ZNF618: variants seen among roughly 807,000 people sequenced by gnomAD.
The protein encoded by ZNF618 is zinc finger protein 618.
A neutral mutation model predicts 103.0 loss-of-function variants in ZNF618; 34 were observed. The ratio of observed to expected loss-of-function variants is 0.33; its 90% CI spans 0.25 to 0.44. ZNF618 has a LOEUF of 0.44. ZNF618 is among the 20% of genes least tolerant of loss of function. The pLI, the probability that ZNF618 is intolerant of heterozygous loss-of-function variation, is 1.00. For missense variants in ZNF618, 1,059 were observed against 1,295.4 expected, an observed-to-expected ratio of 0.82 and a Z score of 2.80; for synonymous variants, 551 against 542.2, an observed-to-expected ratio of 1.02 and a Z score of -0.23.
intron 1 of ZNF618, among the ~76,000 whole-genome samples, chr9:113,922,477 GTTT>G (rs71367740): frequency 6.8e-5 from 9 of 132,958 alleles, no homozygotes; most frequent in African/African-American, 1.4e-4. Context: ...GTTTTGGTTT[GTTT>G]TTTTTTTTTT....
chr9:113,945,406 A>G (rs1355602024), intron 1 of ZNF618, among the ~76,000 whole-genome samples: 1 of 152,174 alleles, frequency 6.6e-6, no homozygotes, highest in Non-Finnish European at 1.5e-5. Context: ...TTATCTATTT[A>G]TTGGTGAGAT....
At chr9:113,950,369 C>G (rs866938196) in intron 1 of ZNF618, among the ~76,000 whole-genome samples, 1 of 152,152 alleles carries the variant, frequency 6.6e-6, no homozygotes, top group Non-Finnish European at 1.5e-5. Context: ...CCACTTTCAC[C>G]CTATTAGATG....
intron 2 of ZNF618, among the ~76,000 whole-genome samples, chr9:113,970,417 G>T (rs1837843433): frequency 6.6e-6 from 1 of 152,152 alleles, no homozygotes. Context: ...TACCAGGCCG[G>T]AGGTCTCTGT....
At chr9:114,011,893 C>G (rs572114266) in intron 9 of ZNF618, among the ~76,000 whole-genome samples, 1 of 152,252 alleles carries the variant, frequency 6.6e-6, no homozygotes, top group South Asian at 2.1e-4. Context: ...AGAATTACTT[C>G]CATGATAATG....
chr9:113,997,117 C>CT (rs937785557), intron 3 of ZNF618, among the ~76,000 whole-genome samples: 12 of 147,906 alleles, frequency 8.1e-5, no homozygotes, highest in South Asian at 2.1e-4. Context: ...TTCTTTCTTT[C>CT]TTTTTTTTGA....
At chr9:114,047,269 C>T (rs1259433398) in intron 13 of ZNF618, among the ~76,000 whole-genome samples, 1 of 152,180 alleles carries the variant, frequency 6.6e-6, no homozygotes, top group Non-Finnish European at 1.5e-5. Flanking sequence ...GGGATTATGT[C>T]CAGCCCTGCT....
chr9:114,020,650 T>C lies in ZNF618; in HGVS notation c.844+3866T>C, dbSNP rs1842994160. On this transcript the variant is annotated intron_variant, in intron 10 of 14. Transcript: ENST00000374126. ...AATCAATCTTTGTGTATTGAATTTG[T>C]GTATTGCAAATTAGCTAAATTTACT... is the stretch of plus-strand genomic sequence containing the variant. Among the ~76,000 whole-genome samples, 3 of 152,182 alleles carry C rather than the reference T, an allele frequency of 2.0e-5. No homozygotes were observed. In the South Asian group the frequency reaches 6.2e-4, roughly 31 times the overall value.
chr9:113,981,992 G>A (rs1340755864), intron 2 of ZNF618, among the ~76,000 whole-genome samples: 1 of 145,714 alleles, frequency 6.9e-6, no homozygotes, highest in African/African-American at 2.4e-5. Flanking sequence ...AGAACTGTCA[G>A]GTGAGACCCA....
chr9:113,984,366 T>A lies in ZNF618; in HGVS notation c.78-3955T>A, dbSNP rs1839259143. Among the ~76,000 whole-genome samples, 3 of 152,160 alleles carry A rather than the reference T, an allele frequency of 2.0e-5. No homozygotes were observed. The South Asian group carries it at 6.2e-4, about 31-fold the overall frequency. On this transcript the variant is annotated intron_variant, in intron 2 of 14. Coordinates refer to ENST00000374126, the MANE Select transcript of ZNF618 (RefSeq NM_001318042.2). The stretch of plus-strand genomic sequence containing the variant: ...ATGTCATCATCATGGCAGCTGCCAT[T>A]CATGGAAATGCACTCTGTGCCCACC...
chr9:113,973,288 C>G (rs1838166501), intron 2 of ZNF618, among the ~76,000 whole-genome samples: 1 of 152,162 alleles, frequency 6.6e-6, no homozygotes, highest in African/African-American at 2.4e-5. Context: ...GAAGGACCCC[C>G]AGCCCTCCAA....
intron 10 of ZNF618, among the ~76,000 whole-genome samples, chr9:114,023,750 T>A (rs1309820329): frequency 6.6e-6 from 1 of 152,098 alleles, no homozygotes; most frequent in Non-Finnish European, 1.5e-5. Flanking sequence ...GGCTGATAAA[T>A]TTTTTTATGT....
Position 114,050,285 on chromosome 9 carries a change from T to A in ZNF618, c.*118T>A. ...TAAACACTGTGGACCTCATTATAAA[T>A]GCCCCCTGGAAACTTAAGTGCTTTT... On this transcript the variant is annotated 3_prime_UTR_variant, in exon 15 of 15. Transcript: ENST00000374126. 7.8e-7 allele frequency: 1 copy of A among 1,280,772 alleles called. No homozygotes were observed. The highest frequency in any genetic ancestry group is 1.1e-6 in the Non-Finnish European group (1 of 944,542). 79.3% of individuals were successfully genotyped at this position (1,280,772 alleles called of 1,614,324 possible).
chr9:114,028,945 G>A lies in ZNF618; in HGVS notation c.1057G>A (p.Gly353Arg), dbSNP rs1370433719. The A allele has an allele frequency of 6.4e-7, 1 of 1,550,680 alleles. No homozygotes were observed. The highest frequency in any genetic ancestry group is 2.0e-5 in the Admixed American group (1 of 51,008). ...QTQTFRTPNS[G>R]SPASKATAAE... ...CCAGACGTTCCGCACTCCAAATTCG[G>A]GATCTCCGGCGAGCAAGGCAACCGC... Residue 353 changes from glycine (G) to arginine (R), a missense_variant, in exon 11 of 15, where the codon GGA becomes AGA. Physicochemically the swap from Gly to Arg is moderately radical, Grantham distance 125. This residue lies in a region of ZNF618 where 434 missense variants were observed against 476.0 expected (regional missense o/e 0.91). Coordinates refer to ENST00000374126, the MANE Select transcript of ZNF618 (RefSeq NM_001318042.2).
intron 1 of ZNF618, among the ~76,000 whole-genome samples, chr9:113,956,042 T>G (rs1371007129): frequency 1.3e-5 from 2 of 151,434 alleles, no homozygotes; most frequent in African/African-American, 4.9e-5. Flanking sequence ...AAACCCCATC[T>G]CTACTAAATA....
chr9:114,013,784 T>A, intron 9 of ZNF618, among the ~76,000 whole-genome samples: 1 of 152,158 alleles, frequency 6.6e-6, no homozygotes, highest in East Asian at 1.9e-4. Context: ...TACAGTAAAG[T>A]AGGTTAAGCC....
chr9:113,982,110 G>A (rs1006609305), intron 2 of ZNF618, among the ~76,000 whole-genome samples: 14 of 152,250 alleles, frequency 9.2e-5, no homozygotes, highest in Non-Finnish European at 1.5e-4. Context: ...GAACAAAGCA[G>A]AAGAAAACCA....
intron 1 of ZNF618, among the ~76,000 whole-genome samples, chr9:113,938,564 C>CTTTTCTTTT (rs1564192158): frequency 1.3e-5 from 1 of 77,690 alleles, no homozygotes. Flanking sequence ...ATTATATTTT[C>CTTTTCTTTT]TTTTTTTCTT....
intron 2 of ZNF618, among the ~76,000 whole-genome samples, chr9:113,981,945 A>G (rs964481113): frequency 3.3e-5 from 5 of 152,156 alleles, no homozygotes; most frequent in African/African-American, 1.2e-4. Flanking sequence ...AGCTCTTGTC[A>G]ATGCCAAGCA....
chr9:113,992,363 G>A (rs371493315), intron 3 of ZNF618, among the ~76,000 whole-genome samples: 27 of 152,254 alleles, frequency 1.8e-4, no homozygotes, highest in African/African-American at 6.5e-4. Flanking sequence ...GTTATGAAGG[G>A]CCTACCACAA....
Sources: allele counts gnomAD v4.1 joint callset (sites outside exome capture counted in the v4.1 genomes callset), GRCh38; gene constraint gnomAD v4.1.1; regional missense constraint gnomAD v4.1.1; transcripts MANE v1.5; gene names NCBI Gene and HGNC (gene_info 2026-07-23, HGNC 2026-07-21).